Variants in POFUT2 observed in about 807,000 individuals in gnomAD.
POFUT2 encodes the protein GDP-fucose protein O-fucosyltransferase 2.
POFUT2 carries 30 observed loss-of-function variants against 55.0 expected under a neutral mutation model. The observed-to-expected ratio is 0.55, with a 90% CI of 0.41 to 0.74. The LOEUF is 0.74. POFUT2 is among the 30% of genes least tolerant of loss of function. The pLI, the probability that POFUT2 is intolerant of heterozygous loss-of-function variation, is 0.00. For synonymous variants in POFUT2, 267 were observed against 231.1 expected, an observed-to-expected ratio of 1.16 and a Z score of -1.41; for missense variants, 524 against 562.6, an observed-to-expected ratio of 0.93 and a Z score of 0.69.
In POFUT2 at chr21:45,283,394, G is replaced by A. The variant is rs768656671; in HGVS notation, c.516C>T (p.His172=). 18 of 1,609,732 alleles carry A rather than the reference G, an allele frequency of 1.1e-5. No homozygotes were observed. Among genetic ancestry groups the A allele is most frequent in the Middle Eastern group, 1.6e-4 (1 of 6,064 alleles). ...GCCTCAGCAGGCACCTGTAGTACTC[G>A]TGCTTGTCCTGGGAGTACAGGAGCT... The part of the protein sequence containing the change: ...IDQLLYSQDK[H]EYYRGWFWGY... Residue 172 remains histidine, a synonymous_variant, in exon 3 of 9, where the codon CAC becomes CAT. Transcript: ENST00000349485.
chr21:45,286,037 T>A, intron 1 of POFUT2, 109 bp from the exon 2 acceptor site: 1 of 952,012 alleles, frequency 1.1e-6, no homozygotes, highest in Non-Finnish European at 1.6e-6. Flanking sequence ...CACTTAACAA[T>A]GGTTCCTAGT....
Position 45,285,938 on chromosome 21 carries a change from G to C in POFUT2, c.132-10C>G. 6.3e-7 allele frequency: 1 copy of C among 1,592,636 alleles called. No homozygotes were observed. The highest frequency in any genetic ancestry group is 2.2e-5 in the East Asian group (1 of 44,502). ...GTCATACAGAAGATACCTGAGCAGG[G>C]AGAAGGAGGACCACAGGTCTCAAAT... On this transcript the variant is annotated splice_polypyrimidine_tract_variant and intron_variant, in intron 1 of 8. Transcript: ENST00000349485. The surrounding 1 kb of genome is among the most constrained non-coding windows in gnomAD (Gnocchi z 4.9).
chr21:45,278,481 C>T (rs1020923337), intron 4 of POFUT2, among the ~76,000 whole-genome samples: 4 of 152,178 alleles, frequency 2.6e-5, no homozygotes, highest in South Asian at 2.1e-4. Context: ...GATCCACCGA[C>T]GGCTATGGCA....
chr21:45,278,341 T>C (rs914215), intron 4 of POFUT2, among the ~76,000 whole-genome samples, 172 bp from the exon 5 acceptor site: 63,146 of 152,134 alleles, frequency 0.42, 14,260 homozygotes, highest in African/African-American at 0.59. Flanking sequence ...GGCAGGCTGC[T>C]GTCTGGCCTC....
At chr21:45,266,958 G>A (rs1468785690) in intron 8 of POFUT2, 8 of 1,022,804 alleles carry the variant, frequency 7.8e-6, no homozygotes, top group Middle Eastern at 4.8e-4. Context: ...AGGCCCAGGC[G>A]TACCTCCCAC....
At chr21:45,280,167 A>G (rs1045503322) in intron 4 of POFUT2, among the ~76,000 whole-genome samples, 10 of 152,216 alleles carry the variant, frequency 6.6e-5, no homozygotes. Flanking sequence ...GGAGGAAGAA[A>G]GCGCTTCACA....
chr21:45,283,225 C>G, intron 3 of POFUT2, 158 bp downstream of exon 3: 1 of 421,366 alleles, frequency 2.4e-6, no homozygotes, highest in Non-Finnish European at 4.3e-6. Context: ...GTGAAGACAC[C>G]GTGGCGGGGG....
At position 45,278,118 on chromosome 21, in the gene POFUT2, C is replaced by T. The variant is rs775352956; in HGVS notation, c.690G>A (p.Gly230=). ...AENLLHDHYG[G]KEYWDTRRSM... is the part of the protein sequence containing the mutation. Reference sequence around the variant, plus strand: ...AAACACTCACATCCCAGTATTCTTTCCCTCCATAGTGGTCGTGAAGTAGGT... The same window carrying T: ...AAACACTCACATCCCAGTATTCTTTTCCTCCATAGTGGTCGTGAAGTAGGT... The change falls in exon 5 of 9, where the codon GGG becomes GGA. Residue 230 remains glycine, a synonymous_variant. Coordinates refer to ENST00000349485, the MANE Select transcript of POFUT2 (RefSeq NM_133635.6). The T allele has an allele frequency of 1.1e-5, 17 of 1,613,580 alleles. No homozygotes were observed. Among genetic ancestry groups the T allele is most frequent in the South Asian group, 4.4e-5 (4 of 91,072 alleles).
At position 45,265,444 on chromosome 21, in the gene POFUT2, G is replaced by C; in HGVS notation, c.*38C>G. The stretch of plus-strand genomic sequence containing the variant: ...GGCGACAGAACCTGCATCCACCCGC[G>C]CCTGTCGGGTCCGGGGAGCGGCCCT... On this transcript the variant is annotated 3_prime_UTR_variant, in exon 9 of 9. Transcript: ENST00000349485. This position sits in a 1 kb window ranked among gnomAD's most constrained non-coding sequence, Gnocchi z 4.6. 2 of 1,559,940 alleles carry C rather than the reference G, an allele frequency of 1.3e-6. No homozygotes were observed. Among genetic ancestry groups the C allele is most frequent in the African/African-American group, 1.4e-5 (1 of 73,146 alleles).
Position 45,277,174 on chromosome 21 carries a change from A to G in POFUT2, c.706-32T>C, listed in dbSNP as rs995141669. On this transcript the variant is annotated intron_variant, in intron 5 of 8. Transcript: ENST00000349485. This position sits in a 1 kb window ranked among gnomAD's most constrained non-coding sequence, Gnocchi z 6.9. ...AAACGGCGACGGCTCGGCTGAGAAC[A>G]CGCCCGCCCGCCACGCAGCCCTCCC... The G allele has an allele frequency of 1.2e-6, 2 of 1,602,044 alleles. No individual in the cohort carries two copies. The highest frequency in any genetic ancestry group is 1.7e-6 in the Non-Finnish European group (2 of 1,176,472).
Position 45,265,875 on chromosome 21 carries a change from C to T in POFUT2, c.1137-240G>A. On this transcript the variant is annotated intron_variant, in intron 8 of 8. Coordinates refer to ENST00000349485, the MANE Select transcript of POFUT2 (RefSeq NM_133635.6). This position sits in a 1 kb window ranked among gnomAD's most constrained non-coding sequence, Gnocchi z 4.6. ...TGGTGCTGCAGCCCCATCCACACCC[C>T]ACAGTCAGCAGCCGCCACGCTCCTG... 1 of 1,363,428 alleles carries T rather than the reference C, an allele frequency of 7.3e-7. No individual in the cohort carries two copies. Among genetic ancestry groups the T allele is most frequent in the Non-Finnish European group, 9.5e-7 (1 of 1,053,422 alleles). The allele number at this position is 1,363,428 out of a possible 1,614,324, so 84.5% of individuals were successfully genotyped here. A position where few individuals can be genotyped will look rare whatever the true frequency, so the allele number is the denominator to read the frequency against.
In POFUT2 at chr21:45,270,044, C is replaced by G; in HGVS notation, c.832-25G>C. 6.7e-7 allele frequency: 1 copy of G among 1,502,044 alleles called. No individual in the cohort carries two copies. 93.0% of individuals were successfully genotyped at this position (1,502,044 alleles called of 1,614,324 possible). ...CCTAGCAAAGAACCACAAGGAAATG[C>G]AGAAGCTGACAGGCGGGCTCGGGGC... On this transcript the variant is annotated intron_variant, in intron 6 of 8. Coordinates refer to ENST00000349485, the MANE Select transcript of POFUT2 (RefSeq NM_133635.6). The surrounding 1 kb of genome is among the most constrained non-coding windows in gnomAD (Gnocchi z 4.6).
intron 4 of POFUT2, among the ~76,000 whole-genome samples, chr21:45,280,692 A>G (rs542713058): frequency 3.4e-5 from 5 of 145,200 alleles, no homozygotes; most frequent in Admixed American, 6.8e-5. Context: ...TCACTCGCTG[A>G]GTTTCGTCTC....
intron 8 of POFUT2, chr21:45,266,253 A>T (rs747164084): frequency 1.5e-6 from 2 of 1,367,528 alleles, no homozygotes; most frequent in Non-Finnish European, 2.0e-6. Flanking sequence ...AACCCCAGAG[A>T]TGTTTCCAGA....
Position 45,270,310 on chromosome 21 carries a change from G to A in POFUT2, c.832-291C>T, listed in dbSNP as rs543539708. Among the ~76,000 whole-genome samples, 4 of 152,228 alleles carry A rather than the reference G, an allele frequency of 2.6e-5. No individual in the cohort carries two copies. The highest frequency in any genetic ancestry group is 3.4e-3 in the Middle Eastern group (1 of 294). ...GGCTCACGCTGTGAACTTTTCCTCC[G>A]AGAACCACCGCAGGGACGTGCCACA... On this transcript the variant is annotated intron_variant, in intron 6 of 8. Transcript: ENST00000349485. The surrounding 1 kb of genome is among the most constrained non-coding windows in gnomAD (Gnocchi z 4.6).
chr21:45,275,230 T>C lies in POFUT2; in HGVS notation c.831+1787A>G, dbSNP rs182231988. Among the ~76,000 whole-genome samples, 114 of 152,342 alleles carry C rather than the reference T, an allele frequency of 7.5e-4. 2 individuals are homozygous for C. In the East Asian group the frequency reaches 0.021, roughly 28 times the overall value. On this transcript the variant is annotated intron_variant, in intron 6 of 8. Transcript: ENST00000349485. ...TGAAAACCACAACAGGATACTACCT[T>C]ACTCCTGCAAGAATGGCCATAATTT... is the stretch of plus-strand genomic sequence containing the variant.
rs150694516 is a variant in POFUT2 at position 45,280,273 on chromosome 21, A to G, written c.638+2076T>C. Among the ~76,000 whole-genome samples, 425 of 152,238 alleles carry G rather than the reference A, an allele frequency of 2.8e-3. 1 individual carries two copies. The highest frequency in any genetic ancestry group is 9.6e-3 in the African/African-American group (398 of 41,530). ...TCTTTGACCTTCATGCACATGGAACATGACTACATTTATCTTTTTCTTTTT... is the reference window on the plus strand; with the variant it reads ...TCTTTGACCTTCATGCACATGGAACGTGACTACATTTATCTTTTTCTTTTT... On this transcript the variant is annotated intron_variant, in intron 4 of 8. Transcript: ENST00000349485.
intron 4 of POFUT2, among the ~76,000 whole-genome samples, chr21:45,279,751 A>G (rs1242460839): frequency 7.2e-5 from 11 of 152,216 alleles, no homozygotes. Flanking sequence ...AAACCTGGAA[A>G]CAACCAAAAG....
chr21:45,285,751 G>C lies in POFUT2; in HGVS notation c.309C>G (p.Pro103=), dbSNP rs1200983905. Residue 103 remains proline, a synonymous_variant, in exon 2 of 9, where the codon CCC becomes CCG. Coordinates refer to ENST00000349485, the MANE Select transcript of POFUT2 (RefSeq NM_133635.6). The surrounding 1 kb of genome is among the most constrained non-coding windows in gnomAD (Gnocchi z 4.9). ...TTGGAAGATCAAAAAACTCAGACCA[G>C]GGAATCCGGACCTGGTGGATGTCAG... ...QSPDIHQVRI[P]WSEFFDLPSL... is the part of the protein sequence containing the mutation. 1.9e-6 allele frequency: 3 copies of C among 1,613,874 alleles called. No homozygotes were observed. In the South Asian group the frequency reaches 3.3e-5, roughly 18 times the overall value.
Sources: gnomAD v4.1 joint callset for allele counts (sites outside exome capture counted in the v4.1 genomes callset) on GRCh38, gnomAD v4.1.1 for gene constraint, Gnocchi (gnomAD v3.1) non-coding constraint, MANE v1.5 for transcripts, NCBI Gene and HGNC (gene_info 2026-07-23, HGNC 2026-07-21) for gene names.